Variants in RAB3C observed in about 807,000 individuals in gnomAD.
The protein encoded by RAB3C is ras-related protein Rab-3C.
A neutral mutation model predicts 26.4 loss-of-function variants in RAB3C; 17 were observed. The observed-to-expected ratio is 0.64, with a 90% CI of 0.44 to 0.97. The LOEUF (loss-of-function observed/expected upper bound fraction) is 0.97, where lower values mean the gene tolerates loss of function less well. RAB3C is among the 50% of genes least tolerant of loss of function. The pLI is 0.00. For missense variants in RAB3C, 242 were observed against 281.9 expected (o/e 0.86, Z 1.01); for synonymous variants, 91 against 95.9 (o/e 0.95, Z 0.30).
chr5:58,615,985 G>GACACACACACACACACAC (rs58004467), intron 1 of RAB3C, among the ~76,000 whole-genome samples: 2 of 149,536 alleles, frequency 1.3e-5, no homozygotes, highest in African/African-American at 4.9e-5. Context: ...CACACACACA[G>GACACACACACACACACAC]ACACACACAC....
intron 3 of RAB3C, among the ~76,000 whole-genome samples, chr5:58,740,176 A>C (rs1231196223): frequency 2.6e-5 from 4 of 152,218 alleles, no homozygotes; most frequent in African/African-American, 9.6e-5. Context: ...GGGAGAGCAC[A>C]AAGCAGTTCA....
chr5:58,719,289 A>G lies in RAB3C; in HGVS notation c.253-6713A>G, dbSNP rs910553753. Among the ~76,000 whole-genome samples the G allele has an allele frequency of 1.1e-4, 17 of 152,190 alleles. No homozygotes were observed. In the East Asian group the frequency reaches 3.3e-3, roughly 29 times the overall value. On this transcript the variant is annotated intron_variant, in intron 2 of 4. Transcript: ENST00000282878. ...AAGATATATCAAACCAACTTTTTTGAAGAGTTTCATTTAATTTAAATGTAA... is the reference window on the plus strand; with the variant it reads ...AAGATATATCAAACCAACTTTTTTGGAGAGTTTCATTTAATTTAAATGTAA...
intron 2 of RAB3C, among the ~76,000 whole-genome samples, chr5:58,687,737 G>A (rs1056396471): frequency 5.9e-5 from 9 of 152,050 alleles, no homozygotes; most frequent in African/African-American, 1.9e-4. Context: ...CTAAACATTA[G>A]TGCAGTTCAT....
At chr5:58,812,375 C>G (rs1308233778) in intron 3 of RAB3C, among the ~76,000 whole-genome samples, 1 of 152,152 alleles carries the variant, frequency 6.6e-6, no homozygotes, top group Non-Finnish European at 1.5e-5. Flanking sequence ...AGGCCCCACC[C>G]CAGACCTCCT....
intron 4 of RAB3C, among the ~76,000 whole-genome samples, chr5:58,827,372 G>A (rs1298714962): frequency 1.3e-5 from 2 of 152,078 alleles, no homozygotes; most frequent in African/African-American, 4.8e-5. Flanking sequence ...AAACTGTTTG[G>A]TTAAAAAATA....
chr5:58,740,164 A>C (rs1264423755), intron 3 of RAB3C, among the ~76,000 whole-genome samples: 2 of 152,206 alleles, frequency 1.3e-5, no homozygotes, highest in African/African-American at 2.4e-5. Flanking sequence ...ATGTGTGGGC[A>C]TGGGAGAGCA....
At position 58,825,074 on chromosome 5, in the gene RAB3C, C is replaced by T. The variant is rs773448248; in HGVS notation, c.408C>T (p.Ala136=). The T allele has an allele frequency of 6.2e-7, 1 of 1,613,030 alleles. No homozygotes were observed. Among genetic ancestry groups the T allele is most frequent in the Non-Finnish European group, 8.5e-7 (1 of 1,179,426 alleles). The change falls in exon 4 of 5, where the codon GCC becomes GCT. Residue 136 remains alanine (A), a synonymous_variant. Coordinates refer to ENST00000282878, the MANE Select transcript of RAB3C (RefSeq NM_138453.4). ...TCAAAACATACTCTTGGGACAATGCCCAAGTTATTCTGGTTGGGAACAAGT... is the reference window on the plus strand; with the variant it reads ...TCAAAACATACTCTTGGGACAATGCTCAAGTTATTCTGGTTGGGAACAAGT... ...TQIKTYSWDN[A]QVILVGNKCD...
intron 1 of RAB3C, among the ~76,000 whole-genome samples, chr5:58,616,481 C>T (rs2111720284): frequency 6.6e-6 from 1 of 152,078 alleles, no homozygotes; most frequent in African/African-American, 2.4e-5. Flanking sequence ...TATATTGAGC[C>T]AAATGGTACT....
chr5:58,692,263 G>A (rs558682470), intron 2 of RAB3C, among the ~76,000 whole-genome samples: 4 of 151,958 alleles, frequency 2.6e-5, no homozygotes, highest in Admixed American at 6.6e-5. Context: ...TTGTTCAAAC[G>A]TTTCGATAAT....
intron 4 of RAB3C, among the ~76,000 whole-genome samples, chr5:58,846,303 G>A (rs77924241): frequency 0.021 from 3,141 of 152,136 alleles, 93 homozygotes; most frequent in African/African-American, 0.07. Flanking sequence ...ACCTCCCAAG[G>A]AGCCTGTTAA....
chr5:58,752,959 C>A (rs945231865), intron 3 of RAB3C, among the ~76,000 whole-genome samples: 2 of 151,972 alleles, frequency 1.3e-5, no homozygotes, highest in African/African-American at 4.8e-5. Flanking sequence ...GCCATTCTTT[C>A]AGGATCCCAG....
intron 2 of RAB3C, among the ~76,000 whole-genome samples, chr5:58,641,997 T>C (rs1467702766): frequency 1.3e-5 from 2 of 152,214 alleles, no homozygotes; most frequent in African/African-American, 4.8e-5. Context: ...TGTGCCTCAG[T>C]TCTCCTCTAG....
At chr5:58,598,787 A>C (rs550101248) in intron 1 of RAB3C, among the ~76,000 whole-genome samples, 22 of 152,268 alleles carry the variant, frequency 1.4e-4, no homozygotes, top group African/African-American at 5.3e-4. Flanking sequence ...TCTATTTCAG[A>C]AATTATGAAA....
intron 2 of RAB3C, among the ~76,000 whole-genome samples, chr5:58,619,173 C>G (rs114539416): frequency 0.014 from 2,199 of 152,238 alleles, 49 homozygotes; most frequent in African/African-American, 0.05. Context: ...CTTGTTCTAA[C>G]TCTAGAGTCT....
rs1470356674 is a variant in RAB3C, at chr5:58,853,192, C to G, written c.*1841C>G. 1 of 152,136 alleles carries G rather than the reference C, an allele frequency of 6.6e-6. No individual in the cohort carries two copies. Among genetic ancestry groups the G allele is most frequent in the Non-Finnish European group, 1.5e-5 (1 of 68,004 alleles). The allele number at this position is 152,136 out of a possible 1,614,324, so 9.4% of individuals were successfully genotyped here. A position where few individuals can be genotyped will look rare whatever the true frequency, so the allele number is the denominator to read the frequency against. The stretch of plus-strand genomic sequence containing the variant: ...TTAATGGGGCAACCAACTTCAAAAT[C>G]ACAGGAATTACAGTGACGGGAGAGA... On this transcript the variant is annotated 3_prime_UTR_variant, in exon 5 of 5. Transcript: ENST00000282878.
chr5:58,701,302 A>T (rs76515061), intron 2 of RAB3C, among the ~76,000 whole-genome samples: 3,496 of 152,186 alleles, frequency 0.023, 137 homozygotes, highest in African/African-American at 0.08. Context: ...CGCCCGGCCT[A>T]GTTCATTTTT....
At chr5:58,751,629 A>G (rs1021203494) in intron 3 of RAB3C, among the ~76,000 whole-genome samples, 1 of 152,236 alleles carries the variant, frequency 6.6e-6, no homozygotes, top group East Asian at 1.9e-4. Context: ...TCATATGGCT[A>G]AAGTCCATTT....
At chr5:58,803,265 T>C (rs1476272860) in intron 3 of RAB3C, among the ~76,000 whole-genome samples, 1 of 152,224 alleles carries the variant, frequency 6.6e-6, no homozygotes, top group Non-Finnish European at 1.5e-5. Context: ...GCAAGCTCCA[T>C]TTCTGGGAAA....
At chr5:58,836,376 G>A (rs999070478) in intron 4 of RAB3C, among the ~76,000 whole-genome samples, 1 of 151,944 alleles carries the variant, frequency 6.6e-6, no homozygotes, top group Non-Finnish European at 1.5e-5. Flanking sequence ...TATCATTTCT[G>A]TGTTGGGAAC....
Sources: allele counts gnomAD v4.1 joint callset (sites outside exome capture counted in the v4.1 genomes callset), GRCh38; gene constraint gnomAD v4.1.1; transcripts MANE v1.5; gene names NCBI Gene and HGNC (gene_info 2026-07-23, HGNC 2026-07-21).